SLCO1B3: variants seen among roughly 807,000 people sequenced by gnomAD.
The protein encoded by SLCO1B3 is solute carrier organic anion transporter family member 1B3.
A neutral mutation model predicts 71.8 loss-of-function variants in SLCO1B3; 72 were observed. The ratio of observed to expected loss-of-function variants is 1.00; its 90% CI spans 0.83 to 1.22. The LOEUF is 1.22. SLCO1B3 is among the 50% of genes most tolerant of loss of function. SLCO1B3 has a pLI of 0.00. For synonymous variants in SLCO1B3, 298 were observed against 278.4 expected (o/e 1.07, Z -0.70); for missense variants, 911 against 819.7 (o/e 1.11, Z -1.36).
At chr12:20,874,891 T>A (rs767398873) in intron 8 of SLCO1B3, among the ~76,000 whole-genome samples, 5 of 152,176 alleles carry the variant, frequency 3.3e-5, no homozygotes, top group Non-Finnish European at 5.9e-5. Context: ...CAGTGAGGAT[T>A]CATATTTCTT....
At chr12:20,849,727 A>AT (rs1280524130) in intron 3 of SLCO1B3, among the ~76,000 whole-genome samples, 1 of 109,618 alleles carries the variant, frequency 9.1e-6, no homozygotes, top group Non-Finnish European at 2.0e-5. Flanking sequence ...ACACACACAC[A>AT]CACACACACA....
intron 3 of SLCO1B3, among the ~76,000 whole-genome samples, chr12:20,842,799 G>A (rs1413855106): frequency 6.6e-6 from 1 of 152,074 alleles, no homozygotes; most frequent in East Asian, 1.9e-4. Context: ...AAATACTGTA[G>A]CATATTGCTA....
chr12:20,914,766 A>T (rs781428391), intron 15 of SLCO1B3, among the ~76,000 whole-genome samples: 11 of 152,156 alleles, frequency 7.2e-5, no homozygotes, highest in Non-Finnish European at 1.6e-4. Flanking sequence ...CTTTTGAAAG[A>T]TAATTTCATA....
chr12:20,843,779 TC>T (rs1864849782), intron 3 of SLCO1B3, among the ~76,000 whole-genome samples: 1 of 135,154 alleles, frequency 7.4e-6, no homozygotes, highest in Admixed American at 7.4e-5. Flanking sequence ...AGACTCTGTC[TC>T]AAAAAAAAAA....
Position 20,848,868 on chromosome 12 carries a change from T to C in SLCO1B3, c.85-6160T>C, listed in dbSNP as rs139761047. Among the ~76,000 whole-genome samples the C allele has an allele frequency of 2.2e-3, 333 of 152,150 alleles. 9 individuals are homozygous for C. In the East Asian group the frequency reaches 0.054, roughly 25 times the overall value. On this transcript the variant is annotated intron_variant, in intron 3 of 15. Transcript: ENST00000381545. Reference sequence around the variant, plus strand: ...AGAAAGAAACAGTGCAGAGGATTTTTAGGTAAGGGAGACTATTCTTTATGA... The same window carrying C: ...AGAAAGAAACAGTGCAGAGGATTTTCAGGTAAGGGAGACTATTCTTTATGA...
intron 3 of SLCO1B3, among the ~76,000 whole-genome samples, chr12:20,819,176 T>C (rs1216955330): frequency 6.6e-6 from 1 of 152,158 alleles, no homozygotes; most frequent in Non-Finnish European, 1.5e-5. Flanking sequence ...CGGTCCTGGC[T>C]CTTGTGTAAG....
At chr12:20,853,508 T>C (rs1865063634) in intron 3 of SLCO1B3, among the ~76,000 whole-genome samples, 1 of 152,060 alleles carries the variant, frequency 6.6e-6, no homozygotes, top group Non-Finnish European at 1.5e-5. Context: ...TTTTCCAGTT[T>C]GTTGGCTTAT....
chr12:20,812,331 C>T (rs10770741), intron 1 of SLCO1B3, among the ~76,000 whole-genome samples: 4 of 152,108 alleles, frequency 2.6e-5, no homozygotes. Flanking sequence ...TTGGAAAGTA[C>T]GGGAAATAAC....
At chr12:20,815,491 G>A (rs1467124008) in intron 2 of SLCO1B3, among the ~76,000 whole-genome samples, 183 bp from the exon 3 acceptor site, 1 of 152,020 alleles carries the variant, frequency 6.6e-6, no homozygotes, top group Non-Finnish European at 1.5e-5. Flanking sequence ...TTTAGGCTAG[G>A]AGTTTGTCTC....
chr12:20,847,720 A>G (rs1864946209), intron 3 of SLCO1B3, among the ~76,000 whole-genome samples: 1 of 151,990 alleles, frequency 6.6e-6, no homozygotes, highest in Non-Finnish European at 1.5e-5. Flanking sequence ...TATATGAAGA[A>G]AAGTGAACAA....
At chr12:20,811,576 A>G (rs528730358) in intron 1 of SLCO1B3, among the ~76,000 whole-genome samples, 2 of 152,324 alleles carry the variant, frequency 1.3e-5, no homozygotes, top group South Asian at 2.1e-4. Context: ...AACCCCTTAA[A>G]TATGAAAAGC....
chr12:20,872,710 G>A (rs1310175726), intron 8 of SLCO1B3, among the ~76,000 whole-genome samples: 1 of 152,048 alleles, frequency 6.6e-6, no homozygotes, highest in East Asian at 1.9e-4. Flanking sequence ...TTTTGGCCCA[G>A]GATGTGCCTA....
chr12:20,860,482 T>C (rs2121245355), intron 5 of SLCO1B3, among the ~76,000 whole-genome samples: 1 of 152,254 alleles, frequency 6.6e-6, no homozygotes, highest in African/African-American at 2.4e-5. Context: ...GGTTAGTATT[T>C]TTGAGCATCA....
At chr12:20,879,205 C>CTTTTTTTTTTTTT (rs4149166) in intron 10 of SLCO1B3, among the ~76,000 whole-genome samples, 1 of 95,208 alleles carries the variant, frequency 1.1e-5, no homozygotes, top group African/African-American at 3.9e-5. Flanking sequence ...ACCCTTCTCT[C>CTTTTTTTTTTTTT]TTTTTTTTTT....
chr12:20,817,560 A>T (rs998984218), intron 3 of SLCO1B3, among the ~76,000 whole-genome samples: 1 of 152,190 alleles, frequency 6.6e-6, no homozygotes, highest in South Asian at 2.1e-4. Flanking sequence ...ATATGCCAGT[A>T]CCATGCTGTT....
At chr12:20,874,004 C>T (rs1383784942) in intron 8 of SLCO1B3, among the ~76,000 whole-genome samples, 6 of 152,116 alleles carry the variant, frequency 3.9e-5, no homozygotes, top group Non-Finnish European at 5.9e-5. Context: ...TACAGTCTAT[C>T]ATTGATGGGT....
At chr12:20,879,251 C>T (rs1299816496) in intron 10 of SLCO1B3, among the ~76,000 whole-genome samples, 185 bp from the exon 11 acceptor site, 1 of 131,880 alleles carries the variant, frequency 7.6e-6, no homozygotes, top group African/African-American at 2.7e-5. Context: ...CTCTGTTGCC[C>T]AGGCTGGGGT....
chr12:20,880,893 C>G lies in SLCO1B3; in HGVS notation c.1370C>G (p.Ser457Cys). Reference protein sequence around the residue: ...SVASHVDVPLSYCNSECNCDE... With the variant: ...SVASHVDVPLCYCNSECNCDE... ...GCATCTCATGTAGATGTACCACTTT[C>G]TTATTGCAACTCAGAGTGCAATTGT... The change falls in exon 12 of 16, where the codon TCT (serine) becomes TGT (cysteine). Residue 457 changes from serine to cysteine, a missense_variant. Physicochemically the swap from Ser to Cys is moderately radical, Grantham distance 112. Transcript: ENST00000381545. 6.2e-7 allele frequency: 1 copy of G among 1,609,862 alleles called. No individual in the cohort carries two copies. Among genetic ancestry groups the G allele is most frequent in the South Asian group, 1.1e-5 (1 of 90,856 alleles).
intron 3 of SLCO1B3, among the ~76,000 whole-genome samples, chr12:20,848,295 A>G (rs1226676850): frequency 6.6e-6 from 1 of 152,198 alleles, no homozygotes; most frequent in African/African-American, 2.4e-5. Flanking sequence ...TTCATTACAT[A>G]CTTATTAGAG....
Sources: gnomAD v4.1 joint callset for allele counts (sites outside exome capture counted in the v4.1 genomes callset) on GRCh38, gnomAD v4.1.1 for gene constraint, MANE v1.5 for transcripts, NCBI Gene and HGNC (gene_info 2026-07-23, HGNC 2026-07-21) for gene names.